The following NAB1 variants were observed in gnomAD, a reference collection of about 807,000 sequenced individuals.
The protein encoded by NAB1 is NGFI-A binding protein 1.
A neutral mutation model predicts 49.9 loss-of-function variants in NAB1; 25 were observed. The observed-to-expected ratio is 0.50, with a 90% CI of 0.37 to 0.70. The LOEUF (loss-of-function observed/expected upper bound fraction) is 0.70, where lower values mean the gene tolerates loss of function less well. NAB1 is among the 30% of genes least tolerant of loss of function. The pLI is 0.00. For synonymous variants in NAB1, 198 were observed against 215.6 expected, an observed-to-expected ratio of 0.92 and a Z score of 0.71; for missense variants, 489 against 575.9, an observed-to-expected ratio of 0.85 and a Z score of 1.54.
intron 9 of NAB1, among the ~76,000 whole-genome samples, chr2:190,688,752 T>G (rs367865686): frequency 3.2e-4 from 49 of 152,036 alleles, no homozygotes; most frequent in African/African-American, 1.1e-3. Context: ...AAAAGCGTCT[T>G]TCTTTCTCTT....
Position 190,651,957 on chromosome 2 carries a change from T to A in NAB1, c.-197+1975T>A, listed in dbSNP as rs1298554370. Among the ~76,000 whole-genome samples, 1 of 152,230 alleles carries A rather than the reference T, an allele frequency of 6.6e-6. No individual in the cohort carries two copies. Among genetic ancestry groups the A allele is most frequent in the Non-Finnish European group, 1.5e-5 (1 of 68,040 alleles). On this transcript the variant is annotated intron_variant, in intron 2 of 9. Transcript: ENST00000337386. This position sits in a 1 kb window ranked among gnomAD's most constrained non-coding sequence, Gnocchi z 4.3. The stretch of plus-strand genomic sequence containing the variant: ...GATTGCTAGACCCTTTGCTTTGGAT[T>A]TATTTTTATCTTACCTGCTTCTTTT...
chr2:190,685,528 G>A lies in NAB1; in HGVS notation c.1148G>A (p.Gly383Asp). The A allele has an allele frequency of 1.2e-6, 2 of 1,613,982 alleles. No homozygotes were observed. Among genetic ancestry groups the A allele is most frequent in the South Asian group, 2.2e-5 (2 of 91,066 alleles). The change falls in exon 8 of 10, where the codon GGC becomes GAC. Residue 383 changes from glycine (G) to aspartate (D), a missense_variant. By Grantham distance (94) the Gly-to-Asp change is moderately conservative (BLOSUM62 -1). Coordinates refer to ENST00000337386, the MANE Select transcript of NAB1 (RefSeq NM_005966.4). The surrounding 1 kb of genome is among the most constrained non-coding windows in gnomAD (Gnocchi z 4.5). ...KQMEFLCNQA[G>D]YERLQHAERR... is the part of the protein sequence containing the mutation. ...ATGGAGTTCCTTTGCAACCAAGCTG[G>A]CTATGAGAGACTGCAGCATGCCGAG...
At position 190,690,273 on chromosome 2, in the gene NAB1, T is replaced by G. The variant is rs1695890231; in HGVS notation, c.1404T>G (p.Pro468=). ...SESLGILKDY[P]HSAFTLEKKV... ...GCCTTGGGATTTTAAAAGACTACCC[T>G]CATTCAGCTTTTACCTTAGAAAAGA... Residue 468 remains proline, a synonymous_variant, in exon 10 of 10, where the codon CCT becomes CCG. Coordinates refer to ENST00000337386, the MANE Select transcript of NAB1 (RefSeq NM_005966.4). 6.2e-7 allele frequency: 1 copy of G among 1,612,572 alleles called. No individual in the cohort carries two copies. Among genetic ancestry groups the G allele is most frequent in the Admixed American group, 1.7e-5 (1 of 59,988 alleles).
chr2:190,655,661 CAATT>C (rs1473264601), intron 2 of NAB1, among the ~76,000 whole-genome samples: 11 of 152,096 alleles, frequency 7.2e-5, no homozygotes, highest in Admixed American at 1.3e-4. Flanking sequence ...TCTCTAGTGA[CAATT>C]AAAGCCCTCT....
Position 190,684,812 on chromosome 2 carries a change from A to G in NAB1, c.1096-664A>G, listed in dbSNP as rs896644137. On this transcript the variant is annotated intron_variant, in intron 7 of 9. Coordinates refer to ENST00000337386, the MANE Select transcript of NAB1 (RefSeq NM_005966.4). The surrounding 1 kb of genome is among the most constrained non-coding windows in gnomAD (Gnocchi z 4.6). ...ATTTAGAGCAGTGCATTGAAAAGGAACTTATAAAACACATACAGAGATAAA... is the reference window on the plus strand; with the variant it reads ...ATTTAGAGCAGTGCATTGAAAAGGAGCTTATAAAACACATACAGAGATAAA... 2.0e-5 allele frequency among the ~76,000 whole-genome samples: 3 copies of G among 152,334 alleles called. No homozygotes were observed. The highest frequency in any genetic ancestry group is 3.4e-3 in the Middle Eastern group (1 of 294).
chr2:190,690,214 A>T, intron 9 of NAB1, 31 bp from the exon 10 acceptor site: 1 of 1,456,228 alleles, frequency 6.9e-7, no homozygotes, highest in Non-Finnish European at 9.6e-7. Flanking sequence ...TGATTAAAAT[A>T]TCAACTCACT....
rs1039984769 is a variant in NAB1 at position 190,683,976 on chromosome 2, T to C, written c.1095+149T>C. The C allele has an allele frequency of 4.6e-6, 3 of 654,878 alleles. No homozygotes were observed. In the African/African-American group the frequency reaches 5.6e-5, roughly 12 times the overall value. 40.6% of individuals were successfully genotyped at this position (654,878 alleles called of 1,614,324 possible). ...AAACGTCATCTGAGCCACAGCTGTATCAACATGAGAGCAATAACAACTTGG... is the reference window on the plus strand; with the variant it reads ...AAACGTCATCTGAGCCACAGCTGTACCAACATGAGAGCAATAACAACTTGG... On this transcript the variant is annotated intron_variant, in intron 7 of 9. Coordinates refer to ENST00000337386, the MANE Select transcript of NAB1 (RefSeq NM_005966.4).
At chr2:190,673,043 G>A in intron 5 of NAB1, 58 bp from the exon 6 acceptor site, 2 of 1,550,752 alleles carry the variant, frequency 1.3e-6, no homozygotes, top group South Asian at 1.1e-5. Flanking sequence ...GATGCCTTTG[G>A]AATAAAATCA....
chr2:190,655,757 G>T (rs1421328574), intron 2 of NAB1, among the ~76,000 whole-genome samples: 1 of 152,214 alleles, frequency 6.6e-6, no homozygotes, highest in Admixed American at 6.5e-5. Flanking sequence ...GAGTTGACCG[G>T]TAGTTTTGTG....
Position 190,689,416 on chromosome 2 carries a change from C to T in NAB1, c.1376-829C>T, listed in dbSNP as rs1695805775. 6.6e-6 allele frequency among the ~76,000 whole-genome samples: 1 copy of T among 152,094 alleles called. No homozygotes were observed. On this transcript the variant is annotated intron_variant, in intron 9 of 9. Coordinates refer to ENST00000337386, the MANE Select transcript of NAB1 (RefSeq NM_005966.4). This position sits in a 1 kb window ranked among gnomAD's most constrained non-coding sequence, Gnocchi z 4.3. ...TACTCTTACGCGGAACTTAAAATCCCCTTCTGTTTAGATAGAGAGGATTCA... is the reference window on the plus strand; with the variant it reads ...TACTCTTACGCGGAACTTAAAATCCTCTTCTGTTTAGATAGAGAGGATTCA...
At chr2:190,660,150 A>G (rs149794461) in intron 4 of NAB1, among the ~76,000 whole-genome samples, 155 bp downstream of exon 4, 29 of 152,364 alleles carry the variant, frequency 1.9e-4, no homozygotes, top group African/African-American at 6.7e-4. Context: ...CTTTTGTGAA[A>G]ATAGACCATA....
At chr2:190,672,423 T>A (rs1694859496) in intron 5 of NAB1, among the ~76,000 whole-genome samples, 1 of 152,204 alleles carries the variant, frequency 6.6e-6, no homozygotes, top group South Asian at 2.1e-4. Flanking sequence ...ATTCTGTGTC[T>A]TACCATTGAT....
Position 190,690,625 on chromosome 2 carries a change from A to G in NAB1, c.*292A>G, listed in dbSNP as rs1368342391. ...CAAATCAATATTGTAAGCATTCATT[A>G]TTTAAGAATGTACAATGTATTTGTG... On this transcript the variant is annotated 3_prime_UTR_variant, in exon 10 of 10. Coordinates refer to ENST00000337386, the MANE Select transcript of NAB1 (RefSeq NM_005966.4). 1.5e-5 allele frequency: 4 copies of G among 261,804 alleles called. No homozygotes were observed. In the Admixed American group the frequency reaches 1.9e-4, roughly 13 times the overall value. 16.2% of individuals were successfully genotyped at this position (261,804 alleles called of 1,614,324 possible).
rs770906444 is a variant in NAB1, at chr2:190,679,573, A to C, written c.1006-4165A>C. 1.3e-5 allele frequency among the ~76,000 whole-genome samples: 2 copies of C among 152,172 alleles called. 1 individual carries two copies. The highest frequency in any genetic ancestry group is 4.1e-4 in the South Asian group (2 of 4,834). On this transcript the variant is annotated intron_variant, in intron 6 of 9. Transcript: ENST00000337386. This position sits in a 1 kb window ranked among gnomAD's most constrained non-coding sequence, Gnocchi z 5.3. ...AGTGCCACCAGGTATTTGTATGGCA[A>C]TGTGTACTTTTCCAAGGTTCACTTA... is the stretch of plus-strand genomic sequence containing the variant.
intron 6 of NAB1, among the ~76,000 whole-genome samples, chr2:190,681,018 A>G (rs1288046130): frequency 6.6e-6 from 1 of 152,246 alleles, no homozygotes; most frequent in Non-Finnish European, 1.5e-5. Flanking sequence ...GTATCACAGC[A>G]AATAAGTAGT....
At position 190,678,039 on chromosome 2, in the gene NAB1, T is replaced by A. The variant is rs1695159354; in HGVS notation, c.1005+4887T>A. Among the ~76,000 whole-genome samples, 1 of 152,214 alleles carries A rather than the reference T, an allele frequency of 6.6e-6. No homozygotes were observed. The highest frequency in any genetic ancestry group is 6.5e-5 in the Admixed American group (1 of 15,280). ...ACAGTTACAAGTTTTGAGTAGAAAA[T>A]TTAACAATGTAAATTACAAAATATT... is the stretch of plus-strand genomic sequence containing the variant. On this transcript the variant is annotated intron_variant, in intron 6 of 9. Transcript: ENST00000337386. The surrounding 1 kb of genome is among the most constrained non-coding windows in gnomAD (Gnocchi z 4.9).
chr2:190,664,221 C>G (rs1439712894), intron 4 of NAB1, among the ~76,000 whole-genome samples: 1 of 152,096 alleles, frequency 6.6e-6, no homozygotes, highest in Non-Finnish European at 1.5e-5. Context: ...GTCTGTTTCT[C>G]TTTGTATTAC....
intron 3 of NAB1, among the ~76,000 whole-genome samples, chr2:190,658,856 A>G (rs1260275371): frequency 2.0e-5 from 3 of 152,238 alleles, no homozygotes; most frequent in African/African-American, 4.8e-5. Flanking sequence ...CCTTGGCAGT[A>G]GCAAAGTATA....
In NAB1 at chr2:190,670,346, T is replaced by G. The variant is rs1694740105; in HGVS notation, c.840T>G (p.Ala280=). Residue 280 remains alanine, a synonymous_variant, in exon 5 of 10, where the codon GCT becomes GCG. Transcript: ENST00000337386. This position sits in a 1 kb window ranked among gnomAD's most constrained non-coding sequence, Gnocchi z 5.3. ...TCCAGCTCACTGTTAATGAAGCGGC[T>G]GCTCAACTCTGTGTGAAGGATAATG... ...TLHELTVNEA[A]AQLCVKDNAL... 7 of 1,611,804 alleles carry G rather than the reference T, an allele frequency of 4.3e-6. No individual in the cohort carries two copies. The South Asian group carries it at 6.6e-5, about 15-fold the overall frequency.
Sources: allele counts gnomAD v4.1 joint callset (sites outside exome capture counted in the v4.1 genomes callset), GRCh38; gene constraint gnomAD v4.1.1; non-coding constraint Gnocchi (gnomAD v3.1); transcripts MANE v1.5; gene names NCBI Gene and HGNC (gene_info 2026-07-23, HGNC 2026-07-21).